Variants in FGD2 observed in about 807,000 individuals in gnomAD.
FGD2 encodes FYVE, RhoGEF and PH domain-containing protein 2.
Under a neutral mutation model 75.9 loss-of-function variants are expected in FGD2, and 52 were observed. That is an observed-to-expected ratio of 0.69 (90% CI 0.55 to 0.86). FGD2 has a LOEUF of 0.86. Ranked by LOEUF, FGD2 falls within the 40% of genes least tolerant of loss-of-function variation. The pLI is 0.00. For missense variants in FGD2, 790 were observed against 872.0 expected, an observed-to-expected ratio of 0.91 and a Z score of 1.18; for synonymous variants, 347 against 348.6, an observed-to-expected ratio of 1.00 and a Z score of 0.05.
At chr6:37,011,124 A>C in intron 3 of FGD2, 74 bp downstream of exon 3, 3 of 1,401,068 alleles carry the variant, frequency 2.1e-6, no homozygotes, top group East Asian at 2.4e-5. Flanking sequence ...CAGCCTTCCC[A>C]CCCTGCTCAC....
At position 37,028,378 on chromosome 6, in the gene FGD2, C is replaced by T. The variant is rs1296804776; in HGVS notation, c.*215C>T. 3.8e-6 allele frequency: 2 copies of T among 531,020 alleles called. No individual in the cohort carries two copies. The highest frequency in any genetic ancestry group is 6.6e-6 in the Non-Finnish European group (2 of 305,098). 32.9% of individuals were successfully genotyped at this position (531,020 alleles called of 1,614,324 possible). ...GGGACAACCAAGTGTCTCAGTTTGC[C>T]TTGCGGGGAGGGGGCTCCTGGGCCA... On this transcript the variant is annotated 3_prime_UTR_variant, in exon 16 of 16. Transcript: ENST00000274963.
chr6:37,014,200 A>C, intron 6 of FGD2, 100 bp downstream of exon 6: 1 of 1,374,552 alleles, frequency 7.3e-7, no homozygotes. Context: ...ACCATCAGTC[A>C]TCAACATCAA....
intron 14 of FGD2, 118 bp from the exon 15 acceptor site, chr6:37,027,285 GGGACCTCTCTGAGCCTCAAGGACCAA>G: frequency 1.1e-6 from 1 of 925,164 alleles, no homozygotes; most frequent in South Asian, 2.1e-5. Context: ...GGCACTTGAT[GGGACCTCTCTGAGCCTCAAGGACCAA>G]GGACCCCTCC....
At chr6:37,019,568 T>C (rs1359309655) in intron 9 of FGD2, among the ~76,000 whole-genome samples, 2 of 152,226 alleles carry the variant, frequency 1.3e-5, no homozygotes, top group Non-Finnish European at 1.5e-5. Context: ...TCTTGTGCTC[T>C]CAGCCTGTGT....
intron 13 of FGD2, chr6:37,025,280 A>T (rs1386856764): frequency 6.3e-6 from 1 of 158,014 alleles, no homozygotes; most frequent in Non-Finnish European, 1.4e-5. Flanking sequence ...TTAAAGCTAA[A>T]CTGTGGGACT....
At position 37,015,087 on chromosome 6, in the gene FGD2, G is replaced by C. The variant is rs1196139058; in HGVS notation, c.1029+49G>C. On this transcript the variant is annotated intron_variant, in intron 8 of 15. Coordinates refer to ENST00000274963, the MANE Select transcript of FGD2 (RefSeq NM_173558.4). ...CTCCACACTGGGGAGGGAAGTCCAT[G>C]GGCCACTCTGGCCCGAGTCATACTG... 3.2e-6 allele frequency: 5 copies of C among 1,586,984 alleles called. No homozygotes were observed. In the South Asian group the frequency reaches 5.8e-5, roughly 18 times the overall value.
rs138567543 is a variant in FGD2, at chr6:37,017,750, A to G, written c.1122+1890A>G. Among the ~76,000 whole-genome samples, 6 of 152,166 alleles carry G rather than the reference A, an allele frequency of 3.9e-5. No homozygotes were observed. In the East Asian group the frequency reaches 1.2e-3, roughly 29 times the overall value. ...AGCTGCAGGCAGGAGTTGAACCAGA[A>G]TGCTCTACCCTCTAGAGCCCCTGGG... On this transcript the variant is annotated intron_variant, in intron 9 of 15. Transcript: ENST00000274963.
intron 2 of FGD2, 58 bp downstream of exon 2, chr6:37,009,123 T>TCC: frequency 6.6e-7 from 1 of 1,505,770 alleles, no homozygotes; most frequent in Non-Finnish European, 9.1e-7. Context: ...CTCCCTGACC[T>TCC]CCCCTCCACA....
chr6:37,014,675 C>G lies in FGD2; in HGVS notation c.853C>G (p.Gln285Glu), dbSNP rs1765188573. 1.2e-6 allele frequency: 2 copies of G among 1,613,962 alleles called. No individual in the cohort carries two copies. Among genetic ancestry groups the G allele is most frequent in the African/African-American group, 1.3e-5 (1 of 74,922 alleles). The change falls in exon 7 of 16, where the codon CAG becomes GAG. Residue 285 changes from glutamine (Q) to glutamate (E), a missense_variant. Transcript: ENST00000274963. ...CCTGGACATGATCTTCTCAGCTGCC[C>G]AGCACTCCAATGCAGCCATCACTGA... ...KALDMIFSAA[Q>E]HSNAAITEME...
At chr6:37,011,509 T>C in intron 3 of FGD2, 197 bp from the exon 4 acceptor site, 1 of 686,456 alleles carries the variant, frequency 1.5e-6, no homozygotes, top group Non-Finnish European at 2.4e-6. Context: ...CCTGCATCTC[T>C]AGGCTTTGCC....
chr6:37,009,177 T>C, intron 2 of FGD2, 112 bp downstream of exon 2: 1 of 1,032,260 alleles, frequency 9.7e-7, no homozygotes, highest in South Asian at 1.6e-5. Flanking sequence ...GGTGGGGGTA[T>C]GGTGTGATCA....
At chr6:37,010,879 C>T in intron 2 of FGD2, 94 bp from the exon 3 acceptor site, 1 of 1,260,628 alleles carries the variant, frequency 7.9e-7, no homozygotes, top group Non-Finnish European at 1.2e-6. Flanking sequence ...TGCTTCACTG[C>T]AGCAACTTTG....
intron 11 of FGD2, 74 bp from the exon 12 acceptor site, chr6:37,021,438 C>G: frequency 7.4e-7 from 1 of 1,353,190 alleles, no homozygotes; most frequent in Middle Eastern, 2.3e-4. Context: ...GTTGCATGCA[C>G]GGAAGGATGG....
intron 12 of FGD2, 45 bp downstream of exon 12, chr6:37,021,649 A>G (rs1583318937): frequency 6.6e-7 from 1 of 1,522,980 alleles, no homozygotes; most frequent in African/African-American, 1.4e-5. Flanking sequence ...ACCAACCCAA[A>G]TAGAGCTTGT....
chr6:37,025,605 G>C, intron 13 of FGD2, 187 bp from the exon 14 acceptor site: 1 of 620,468 alleles, frequency 1.6e-6, no homozygotes. Flanking sequence ...ATGTGTCGCA[G>C]CCTCCAGGCA....
At chr6:37,014,756 G>A (rs1765195192) in intron 7 of FGD2, 52 bp downstream of exon 7, 5 of 1,612,040 alleles carry the variant, frequency 3.1e-6, no homozygotes, top group Non-Finnish European at 3.4e-6. Context: ...GCAGGTCTCA[G>A]CCTGGTCCCA....
rs970578890 is a variant in FGD2 at position 37,020,457 on chromosome 6, A to T, written c.1123-84A>T. 4 of 1,324,922 alleles carry T rather than the reference A, an allele frequency of 3.0e-6. No individual in the cohort carries two copies. In the African/African-American group the frequency reaches 4.4e-5, roughly 14 times the overall value. The allele number at this position is 1,324,922 out of a possible 1,614,324, so 82.1% of individuals were successfully genotyped here. On this transcript the variant is annotated intron_variant, in intron 9 of 15. Transcript: ENST00000274963. The stretch of plus-strand genomic sequence containing the variant: ...GAATTTGAATTGTCCCTTGGGCACA[A>T]TCCACCTCCCTCCCCTCCACAGTGC...
chr6:37,027,622 C>T (rs1407222139), intron 15 of FGD2, 47 bp downstream of exon 15: 9 of 1,609,006 alleles, frequency 5.6e-6, no homozygotes, highest in Non-Finnish European at 7.6e-6. Flanking sequence ...GGCCTTCCCA[C>T]AGCGTGTGTG....
intron 9 of FGD2, among the ~76,000 whole-genome samples, chr6:37,018,756 T>C (rs1236511249): frequency 6.6e-6 from 1 of 152,262 alleles, no homozygotes; most frequent in Non-Finnish European, 1.5e-5. Flanking sequence ...ATAGTGAGAA[T>C]TGTCCGGCAG....
Sources: allele counts gnomAD v4.1 joint callset (sites outside exome capture counted in the v4.1 genomes callset), GRCh38; gene constraint gnomAD v4.1.1; transcripts MANE v1.5; gene names NCBI Gene and HGNC (gene_info 2026-07-23, HGNC 2026-07-21).